Variants in PPARGC1A observed in about 807,000 individuals in gnomAD.
PPARGC1A encodes the protein PPARG coactivator 1 alpha.
A neutral mutation model predicts 88.7 loss-of-function variants in PPARGC1A; 25 were observed. The observed-to-expected ratio is 0.28, with a 90% CI of 0.21 to 0.39. The LOEUF is 0.39. Among genes scored for constraint, PPARGC1A ranks in the 10% least tolerant of loss-of-function variants. The pLI, the probability that PPARGC1A is intolerant of heterozygous loss-of-function variation, is 1.00. For missense variants in PPARGC1A, 880 were observed against 968.7 expected, an observed-to-expected ratio of 0.91 and a Z score of 1.22; for synonymous variants, 363 against 355.6, an observed-to-expected ratio of 1.02 and a Z score of -0.24.
the PPARGC1A span, among the ~76,000 whole-genome samples, chr4:24,291,621 C>CT: frequency 6.6e-6 from 1 of 152,210 alleles, no homozygotes; most frequent in South Asian, 2.1e-4. Flanking sequence ...AAACACACAG[C>CT]TATTGAAGCA....
At chr4:24,149,533 G>A in the PPARGC1A span, among the ~76,000 whole-genome samples, 1 of 152,064 alleles carries the variant, frequency 6.6e-6, no homozygotes, top group African/African-American at 2.4e-5. Context: ...GTTCATTTAG[G>A]GAATCAATTT....
At chr4:24,109,020 C>A in the PPARGC1A span, among the ~76,000 whole-genome samples, 19 of 116,298 alleles carry the variant, frequency 1.6e-4, no homozygotes, top group African/African-American at 3.1e-4. Context: ...ACACACACAC[C>A]ACACACACAC....
chr4:23,922,946 T>C, the PPARGC1A span, among the ~76,000 whole-genome samples: 16 of 152,316 alleles, frequency 1.1e-4, no homozygotes, highest in African/African-American at 3.8e-4. Flanking sequence ...TGGCCGAAAC[T>C]GAAGCAGACA....
chr4:23,803,663 A>G (rs1327604888), intron 10 of PPARGC1A, among the ~76,000 whole-genome samples: 2 of 152,250 alleles, frequency 1.3e-5, no homozygotes, highest in Non-Finnish European at 2.9e-5. Flanking sequence ...AGGAGTTAAT[A>G]TAAAGAATGT....
At chr4:24,278,563 A>C in the PPARGC1A span, among the ~76,000 whole-genome samples, 1 of 152,086 alleles carries the variant, frequency 6.6e-6, no homozygotes, top group Admixed American at 6.5e-5. Context: ...TTTTGCAAAA[A>C]GTTATATACT....
the PPARGC1A span, among the ~76,000 whole-genome samples, chr4:24,385,211 C>T: frequency 6.6e-4 from 101 of 152,168 alleles, no homozygotes; most frequent in Non-Finnish European, 1.2e-3. Flanking sequence ...AGAGACACAA[C>T]GTACCAGAAT....
chr4:23,937,277 C>T, the PPARGC1A span, among the ~76,000 whole-genome samples: 19 of 152,086 alleles, frequency 1.2e-4, no homozygotes, highest in South Asian at 3.5e-3. Flanking sequence ...GGCTTTCTCC[C>T]ACCAACATAG....
intron 2 of PPARGC1A, among the ~76,000 whole-genome samples, chr4:23,850,012 A>T (rs983826771): frequency 3.4e-4 from 52 of 152,212 alleles, no homozygotes; most frequent in Non-Finnish European, 5.7e-4. Flanking sequence ...AAGAAAAGAA[A>T]AAATCAGAAC....
At chr4:24,002,372 C>T in the PPARGC1A span, among the ~76,000 whole-genome samples, 1 of 152,162 alleles carries the variant, frequency 6.6e-6, no homozygotes, top group South Asian at 2.1e-4. Flanking sequence ...GAGATCTGCC[C>T]GCCTTGGCCT....
At chr4:24,180,567 C>G in the PPARGC1A span, among the ~76,000 whole-genome samples, 1 of 152,164 alleles carries the variant, frequency 6.6e-6, no homozygotes, top group Non-Finnish European at 1.5e-5. Flanking sequence ...TTATCGGTCA[C>G]TTACTTTAGC....
the PPARGC1A span, among the ~76,000 whole-genome samples, chr4:24,139,271 C>A: frequency 3.3e-5 from 5 of 151,908 alleles, no homozygotes; most frequent in East Asian, 1.9e-4. Context: ...GTAGCTGGGA[C>A]TACAGGCACC....
At chr4:24,140,698 T>C in the PPARGC1A span, among the ~76,000 whole-genome samples, 3 of 152,182 alleles carry the variant, frequency 2.0e-5, no homozygotes, top group Non-Finnish European at 4.4e-5. Flanking sequence ...CTCACATAAC[T>C]GAGAGAAACA....
the PPARGC1A span, among the ~76,000 whole-genome samples, chr4:24,321,374 T>C: frequency 6.6e-6 from 1 of 152,196 alleles, no homozygotes; most frequent in Non-Finnish European, 1.5e-5. Flanking sequence ...AATCCTATAA[T>C]GATGAAGCTG....
At chr4:24,404,002 G>A in the PPARGC1A span, among the ~76,000 whole-genome samples, 26,943 of 152,008 alleles carry the variant, frequency 0.18, 3,191 homozygotes, top group Non-Finnish European at 0.26. Context: ...GGTGGCTCAC[G>A]CCTGTAATCC....
At chr4:24,415,446 CA>C in the PPARGC1A span, among the ~76,000 whole-genome samples, 1 of 152,096 alleles carries the variant, frequency 6.6e-6, no homozygotes, top group Admixed American at 6.5e-5. Context: ...AGGGTAATAC[CA>C]GTTTATAAGT....
At chr4:24,221,530 T>C in the PPARGC1A span, among the ~76,000 whole-genome samples, 2 of 152,182 alleles carry the variant, frequency 1.3e-5, no homozygotes, top group African/African-American at 4.8e-5. Context: ...AAATTTCATA[T>C]AAATAAAATG....
the PPARGC1A span, among the ~76,000 whole-genome samples, chr4:24,077,624 G>GGTGTGTGTGTGTGTGT: frequency 3.7e-4 from 48 of 130,962 alleles, no homozygotes; most frequent in African/African-American, 1.3e-3. Flanking sequence ...TGTGTCTAGG[G>GGTGTGTGTGTGTGTGT]GTGTGTGTGT....
At chr4:23,824,249 AC>A in intron 7 of PPARGC1A, 30 bp downstream of exon 7, 2 of 1,571,482 alleles carry the variant, frequency 1.3e-6, no homozygotes, top group Non-Finnish European at 1.8e-6. Context: ...AGACAGACAC[AC>A]ACAAGTTCTA....
chr4:24,093,897 G>A, the PPARGC1A span, among the ~76,000 whole-genome samples: 1 of 152,144 alleles, frequency 6.6e-6, no homozygotes, highest in African/African-American at 2.4e-5. Flanking sequence ...TATAGTCTCA[G>A]GCACATTATT....
Sources: allele counts gnomAD v4.1 joint callset (sites outside exome capture counted in the v4.1 genomes callset), GRCh38; gene constraint gnomAD v4.1.1; transcripts MANE v1.5; gene names NCBI Gene and HGNC (gene_info 2026-07-23, HGNC 2026-07-21).